SPART: variants seen among roughly 807,000 people sequenced by gnomAD.
SPART encodes the protein spartin, also known as spastic paraplegia 20 (Troyer syndrome).
A neutral mutation model predicts 58.7 loss-of-function variants in SPART; 35 were observed. That is an observed-to-expected ratio of 0.60 (90% CI 0.46 to 0.79). SPART has a LOEUF of 0.79. Among genes scored for constraint, SPART ranks in the 30% least tolerant of loss-of-function variants. SPART has a pLI of 0.00. For missense variants in SPART, 730 were observed against 786.1 expected (o/e 0.93, Z 0.85); for synonymous variants, 284 against 280.7 (o/e 1.01, Z -0.12).
At chr13:36,307,614 A>G (rs997686279) in intron 8 of SPART, among the ~76,000 whole-genome samples, 1 of 152,146 alleles carries the variant, frequency 6.6e-6, no homozygotes, top group African/African-American at 2.4e-5. Flanking sequence ...TAAACACTTT[A>G]AAGTGGAATA....
intron 3 of SPART, among the ~76,000 whole-genome samples, chr13:36,331,175 G>A (rs1006684734): frequency 6.6e-6 from 1 of 152,200 alleles, no homozygotes; most frequent in African/African-American, 2.4e-5. Context: ...CGGTCATTAA[G>A]TGGAAGAGTT....
chr13:36,331,243 C>T (rs913139728), intron 3 of SPART, among the ~76,000 whole-genome samples, 156 bp downstream of exon 3: 6 of 152,206 alleles, frequency 3.9e-5, no homozygotes, highest in African/African-American at 1.2e-4. Context: ...ACTATTACAG[C>T]AAATTCCAAG....
intron 5 of SPART, among the ~76,000 whole-genome samples, chr13:36,317,090 C>A (rs968548639): frequency 6.6e-6 from 1 of 152,174 alleles, no homozygotes; most frequent in African/African-American, 2.4e-5. Flanking sequence ...AACTCCGGTG[C>A]CAGTCACAGA....
At chr13:36,311,814 A>G (rs1377401440) in intron 8 of SPART, among the ~76,000 whole-genome samples, 5 of 152,198 alleles carry the variant, frequency 3.3e-5, no homozygotes, top group Admixed American at 2.6e-4. Flanking sequence ...TCCGCCAGGC[A>G]TGGTGGCTTA....
chr13:36,337,724 C>G (rs1474979545), intron 1 of SPART, among the ~76,000 whole-genome samples: 1 of 152,176 alleles, frequency 6.6e-6, no homozygotes, highest in East Asian at 1.9e-4. Flanking sequence ...TCTTGGTTAT[C>G]AGATCAACTG....
In SPART at chr13:36,304,382, T is replaced by C. The variant is rs767258940; in HGVS notation, c.1984A>G (p.Lys662Glu). The C allele has an allele frequency of 6.2e-7, 1 of 1,614,096 alleles. No homozygotes were observed. Among genetic ancestry groups the C allele is most frequent in the African/African-American group, 1.3e-5 (1 of 75,044 alleles). Residue 662 changes from lysine to glutamate, a missense_variant, in exon 9 of 9, where the codon AAG becomes GAG. Coordinates refer to ENST00000438666, the MANE Select transcript of SPART (RefSeq NM_015087.5). ...GCACTTCATCATTTATCTTTCTTCT[T>C]TGCCTCCTTTACTTCCTTCGTCTGC... Reference protein sequence around the residue: ...DEQTKEVKEAKKKDK With the variant: ...DEQTKEVKEAEKKDK
At chr13:36,357,060 G>A (rs180970408) in intron 1 of SPART, among the ~76,000 whole-genome samples, 3 of 152,252 alleles carry the variant, frequency 2.0e-5, no homozygotes, top group African/African-American at 4.8e-5. Context: ...CCCTTTCCTC[G>A]TAAAGGCTGC....
chr13:36,331,185 T>C (rs1366331718), intron 3 of SPART, among the ~76,000 whole-genome samples: 6 of 152,154 alleles, frequency 3.9e-5, no homozygotes, highest in East Asian at 1.9e-4. Context: ...GTGGAAGAGT[T>C]TGAATTCATA....
At chr13:36,350,865 A>G (rs1227446707), upstream of SPART, among the ~76,000 whole-genome samples, 1 of 152,208 alleles carries the variant, frequency 6.6e-6, no homozygotes, top group Non-Finnish European at 1.5e-5. Context: ...GTAGGAAAAA[A>G]GATACTAGGA....
chr13:36,344,499 A>G (rs1227857748), intron 1 of SPART, among the ~76,000 whole-genome samples: 1 of 152,228 alleles, frequency 6.6e-6, no homozygotes, highest in Non-Finnish European at 1.5e-5. Flanking sequence ...CTGGGTATCT[A>G]GAGGTTATAT....
intron 1 of SPART, among the ~76,000 whole-genome samples, chr13:36,363,485 T>C (rs1486283356): frequency 2.0e-5 from 3 of 152,098 alleles, no homozygotes; most frequent in Non-Finnish European, 4.4e-5. Flanking sequence ...TCCCATCTAC[T>C]CTTCTCTGCC....
intron 5 of SPART, among the ~76,000 whole-genome samples, chr13:36,322,801 A>G (rs979264195): frequency 1.3e-5 from 2 of 152,218 alleles, no homozygotes; most frequent in Non-Finnish European, 2.9e-5. Flanking sequence ...CCATCAAAGT[A>G]TAAATTGAAT....
chr13:36,360,388 G>A (rs138063230), intron 1 of SPART, among the ~76,000 whole-genome samples: 3 of 152,080 alleles, frequency 2.0e-5, no homozygotes, highest in Admixed American at 6.6e-5. Flanking sequence ...ACTGGATTTG[G>A]GGGCAGGAAG....
At chr13:36,367,024 C>T (rs928010219) in intron 1 of SPART, among the ~76,000 whole-genome samples, 17 of 152,304 alleles carry the variant, frequency 1.1e-4, no homozygotes, top group Middle Eastern at 3.4e-3. Flanking sequence ...TGCCCCTTTT[C>T]GGCCGGAAGT....
chr13:36,308,483 T>C (rs1280906447), intron 8 of SPART: 1 of 152,106 alleles, frequency 6.6e-6, no homozygotes, highest in African/African-American at 2.4e-5. Context: ...AATAATACAA[T>C]AGAAATAAAT....
chr13:36,348,848 T>G (rs1231128991), upstream of SPART, among the ~76,000 whole-genome samples: 1 of 152,166 alleles, frequency 6.6e-6, no homozygotes, highest in Non-Finnish European at 1.5e-5. Context: ...AAGCTGATCC[T>G]AAAATTCATA....
At chr13:36,326,256 T>A in intron 5 of SPART, 2 of 348,072 alleles carry the variant, frequency 5.7e-6, no homozygotes, top group Admixed American at 8.4e-5. Context: ...TAGGGGGAGG[T>A]TAAGAGGGAG....
Position 36,331,486 on chromosome 13 carries a change from C to G in SPART, c.921G>C (p.Val307=). Residue 307 remains valine, a synonymous_variant, in exon 3 of 9, where the codon GTG becomes GTC. Coordinates refer to ENST00000438666, the MANE Select transcript of SPART (RefSeq NM_015087.5). ...GTAACTCAGAGGACAGGACGACCCC[C>G]ACAAAGCATCCTGCTGCTTGTAGCA... ...DTMLQAAGCF[V]GVVLSSELPE... 1 of 1,614,118 alleles carries G rather than the reference C, an allele frequency of 6.2e-7. No individual in the cohort carries two copies. The highest frequency in any genetic ancestry group is 1.7e-5 in the Admixed American group (1 of 60,010).
chr13:36,360,958 A>G (rs1885833945), intron 1 of SPART, among the ~76,000 whole-genome samples: 1 of 152,234 alleles, frequency 6.6e-6, no homozygotes, highest in Non-Finnish European at 1.5e-5. Flanking sequence ...TGTGATGGTT[A>G]GACAACTCTG....
Sources: gnomAD v4.1 joint callset for allele counts (sites outside exome capture counted in the v4.1 genomes callset) on GRCh38, gnomAD v4.1.1 for gene constraint, MANE v1.5 for transcripts, NCBI Gene and HGNC (gene_info 2026-07-23, HGNC 2026-07-21) for gene names.